Variants in FRAS1 observed in about 807,000 individuals in gnomAD.
FRAS1 encodes extracellular matrix organizing protein FRAS1.
In FRAS1, 290 loss-of-function variants were observed where a neutral mutation model predicts 435.2. The observed-to-expected ratio is 0.67, with a 90% CI of 0.61 to 0.73. FRAS1 has a LOEUF of 0.73. FRAS1 is among the 30% of genes least tolerant of loss of function. The pLI is 0.00. For synonymous variants in FRAS1, 1,800 were observed against 1,851.0 expected (o/e 0.97, Z 0.71); for missense variants, 4,860 against 5,001.5 (o/e 0.97, Z 0.85).
chr4:78,255,373 C>T lies in FRAS1; in HGVS notation c.601C>T (p.Gln201Ter). 6.3e-7 allele frequency: 1 copy of T among 1,590,746 alleles called. No individual in the cohort carries two copies. The highest frequency in any genetic ancestry group is 8.6e-7 in the Non-Finnish European group (1 of 1,167,714). Residue 201 changes from glutamine to a stop codon, truncating the protein, a stop_gained and splice_region_variant, in exon 6 of 74, where the codon CAG becomes TAG. Coordinates refer to ENST00000512123, the MANE Select transcript of FRAS1 (RefSeq NM_025074.7). LOFTEE classifies it high-confidence loss of function. The part of the protein sequence containing the change: ...TAQCQPLFCN[Q>*]DETVVRVPGK... Reference sequence around the variant, plus strand: ...TCAGTGTCAGCCTCTATTTTGTAACCAGGTAAGGAAGACAACCTCAGCATG... The same window carrying T: ...TCAGTGTCAGCCTCTATTTTGTAACTAGGTAAGGAAGACAACCTCAGCATG...
intron 66 of FRAS1, among the ~76,000 whole-genome samples, chr4:78,517,657 G>A (rs1168461382): frequency 6.6e-6 from 1 of 152,200 alleles, no homozygotes; most frequent in Non-Finnish European, 1.5e-5. Context: ...AACCTCTTCT[G>A]AAATTGTACT....
At chr4:78,302,276 T>C (rs539675210) in intron 14 of FRAS1, among the ~76,000 whole-genome samples, 1 of 151,770 alleles carries the variant, frequency 6.6e-6, no homozygotes, top group Admixed American at 6.5e-5. Flanking sequence ...TTGGGTTGGT[T>C]CCAAGTCTTT....
chr4:78,333,311 C>T lies in FRAS1; in HGVS notation c.2177C>T (p.Pro726Leu). ...TGTTTCAGATGTGCAGGGAAAAGCC[C>T]ACATAACTGCACAGACTGTGGGCCT... ...QSCFRCAGKS[P>L]HNCTDCGPSH... is the part of the protein sequence containing the mutation. The change falls in exon 19 of 74, where the codon CCA (proline) becomes CTA (leucine). Residue 726 changes from proline (P) to leucine (L), a missense_variant. Transcript: ENST00000512123. 1 of 1,611,534 alleles carries T rather than the reference C, an allele frequency of 6.2e-7. No homozygotes were observed. The highest frequency in any genetic ancestry group is 1.3e-5 in the African/African-American group (1 of 74,978).
At chr4:78,485,829 A>G (rs1720153219) in intron 58 of FRAS1, among the ~76,000 whole-genome samples, 2 of 152,204 alleles carry the variant, frequency 1.3e-5, no homozygotes, top group Non-Finnish European at 2.9e-5. Flanking sequence ...TTCACATTTC[A>G]GTTTCAGCTG....
chr4:78,164,893 C>T (rs574661286), intron 2 of FRAS1, among the ~76,000 whole-genome samples: 17 of 152,284 alleles, frequency 1.1e-4, no homozygotes, highest in Middle Eastern at 3.4e-3. Flanking sequence ...AGATCCAACT[C>T]TGTTTAGCAT....
At chr4:78,370,989 C>T (rs1731479406) in intron 23 of FRAS1, among the ~76,000 whole-genome samples, 1 of 152,032 alleles carries the variant, frequency 6.6e-6, no homozygotes, top group African/African-American at 2.4e-5. Flanking sequence ...TGCTTTAAGG[C>T]TCTGCAAAAT....
intron 2 of FRAS1, among the ~76,000 whole-genome samples, chr4:78,191,043 G>A (rs1460307414): frequency 6.6e-6 from 1 of 152,172 alleles, no homozygotes. Flanking sequence ...CACTCAGTGA[G>A]AGGGTGGCCA....
intron 2 of FRAS1, among the ~76,000 whole-genome samples, chr4:78,104,129 C>G (rs1404320270): frequency 6.6e-6 from 1 of 152,190 alleles, no homozygotes; most frequent in Non-Finnish European, 1.5e-5. Context: ...ACAACTTCTT[C>G]CAGGAATGTT....
chr4:78,380,131 A>C, intron 27 of FRAS1, 135 bp downstream of exon 27: 1 of 913,740 alleles, frequency 1.1e-6, no homozygotes, highest in Non-Finnish European at 1.6e-6. Flanking sequence ...CACAAGCCCA[A>C]ATACTCTCAG....
At chr4:78,190,655 C>T (rs984001550) in intron 2 of FRAS1, among the ~76,000 whole-genome samples, 9 of 151,172 alleles carry the variant, frequency 6.0e-5, no homozygotes, top group Admixed American at 2.6e-4. Flanking sequence ...CCTTCCCTTC[C>T]CAGTTTCCCA....
rs1316488128 is a variant in FRAS1 at position 78,542,039 on chromosome 4, A to T, written c.*915A>T. On this transcript the variant is annotated 3_prime_UTR_variant, in exon 74 of 74. Coordinates refer to ENST00000512123, the MANE Select transcript of FRAS1 (RefSeq NM_025074.7). ...ACTCCGGTCTTTGCCCGTTCCTGTA[A>T]CAGACAATCCCATGTCCTAGGTATG... The T allele has an allele frequency of 6.6e-6, 1 of 152,240 alleles. No individual in the cohort carries two copies. Among genetic ancestry groups the T allele is most frequent in the Non-Finnish European group, 1.5e-5 (1 of 68,038 alleles). 9.4% of individuals were successfully genotyped at this position (152,240 alleles called of 1,614,324 possible).
intron 1 of FRAS1, among the ~76,000 whole-genome samples, chr4:78,061,839 T>A (rs1189602689): frequency 6.6e-6 from 1 of 152,172 alleles, no homozygotes; most frequent in Non-Finnish European, 1.5e-5. Flanking sequence ...TTTGCATATC[T>A]AGAAATCATT....
At chr4:78,308,663 T>G (rs114273403) in intron 15 of FRAS1, among the ~76,000 whole-genome samples, 2 of 152,332 alleles carry the variant, frequency 1.3e-5, no homozygotes, top group African/African-American at 4.8e-5. Context: ...GCAGTTATTA[T>G]CCATTCTACC....
At chr4:78,241,525 G>A in intron 3 of FRAS1, among the ~76,000 whole-genome samples, 1 of 152,140 alleles carries the variant, frequency 6.6e-6, no homozygotes, top group East Asian at 1.9e-4. Flanking sequence ...GAGGGAAATG[G>A]TAATAGCCCA....
intron 2 of FRAS1, among the ~76,000 whole-genome samples, chr4:78,068,329 C>T (rs1417152717): frequency 6.6e-6 from 1 of 152,150 alleles, no homozygotes; most frequent in East Asian, 1.9e-4. Flanking sequence ...GAGAAGGTGA[C>T]ATTTGATCAA....
At chr4:78,380,076 C>T (rs1336448736) in intron 27 of FRAS1, 80 bp downstream of exon 27, 2 of 1,472,632 alleles carry the variant, frequency 1.4e-6, no homozygotes, top group Non-Finnish European at 1.8e-6. Context: ...CCCAGCCTCT[C>T]TGTCTCAATA....
chr4:78,434,792 A>G (rs187545662), intron 38 of FRAS1, among the ~76,000 whole-genome samples: 2 of 152,240 alleles, frequency 1.3e-5, no homozygotes, highest in Admixed American at 1.3e-4. Context: ...TAATAGCATT[A>G]AGAAAAAAGC....
At chr4:78,179,394 G>C (rs538477163) in intron 2 of FRAS1, among the ~76,000 whole-genome samples, 1 of 152,290 alleles carries the variant, frequency 6.6e-6, no homozygotes, top group African/African-American at 2.4e-5. Flanking sequence ...GGCAAGTTAT[G>C]CCAAGACATG....
intron 20 of FRAS1, among the ~76,000 whole-genome samples, chr4:78,341,316 C>T (rs368453477): frequency 6.6e-6 from 1 of 152,130 alleles, no homozygotes; most frequent in Non-Finnish European, 1.5e-5. Flanking sequence ...TGGGAGGGAG[C>T]AGGACTGGTC....
Sources: gnomAD v4.1 joint callset for allele counts (sites outside exome capture counted in the v4.1 genomes callset) on GRCh38, gnomAD v4.1.1 for gene constraint, MANE v1.5 for transcripts, NCBI Gene and HGNC (gene_info 2026-07-23, HGNC 2026-07-21) for gene names.